PRLR: variants seen among roughly 807,000 people sequenced by gnomAD.
The protein encoded by PRLR is hPRL receptor.
Under a neutral mutation model 40.2 loss-of-function variants are expected in PRLR, and 13 were observed. The ratio of observed to expected loss-of-function variants is 0.32; its 90% CI spans 0.21 to 0.51. PRLR has a LOEUF of 0.51. PRLR is among the 20% of genes least tolerant of loss of function. PRLR has a pLI of 0.97. For missense variants in PRLR, 656 were observed against 747.3 expected, an observed-to-expected ratio of 0.88 and a Z score of 1.42; for synonymous variants, 269 against 278.7, an observed-to-expected ratio of 0.97 and a Z score of 0.35.
intron 1 of PRLR, among the ~76,000 whole-genome samples, chr5:35,167,868 G>A (rs1774888830): frequency 7.1e-6 from 1 of 141,756 alleles, no homozygotes; most frequent in South Asian, 2.2e-4. Context: ...TATAAAGCAG[G>A]GATTAAAATA....
At chr5:35,054,786 T>TA (rs1768637564), downstream of PRLR, among the ~76,000 whole-genome samples, 1 of 152,218 alleles carries the variant, frequency 6.6e-6, no homozygotes, top group African/African-American at 2.4e-5. Flanking sequence ...TGCTATTTTT[T>TA]ATGCAAAACT....
chr5:35,073,580 C>T (rs1351912851), intron 5 of PRLR, among the ~76,000 whole-genome samples: 1 of 152,196 alleles, frequency 6.6e-6, no homozygotes, highest in East Asian at 1.9e-4. Flanking sequence ...AATTACTCGC[C>T]TAAGGTCACA....
chr5:35,148,299 G>A (rs1253034619), intron 1 of PRLR, among the ~76,000 whole-genome samples: 1 of 152,062 alleles, frequency 6.6e-6, no homozygotes, highest in East Asian at 1.9e-4. Flanking sequence ...TTCAATTTGT[G>A]TTGAACTTGG....
At chr5:35,087,672 T>G (rs1339318331) in intron 3 of PRLR, among the ~76,000 whole-genome samples, 1 of 152,088 alleles carries the variant, frequency 6.6e-6, no homozygotes, top group African/African-American at 2.4e-5. Flanking sequence ...TGCTAGAAGG[T>G]CTCAGTGAGG....
downstream of PRLR, among the ~76,000 whole-genome samples, chr5:35,054,108 C>T (rs1768608055): frequency 6.6e-6 from 1 of 152,180 alleles, no homozygotes; most frequent in African/African-American, 2.4e-5. Flanking sequence ...AATAACAATG[C>T]ATCATTTTAT....
At position 35,095,061 on chromosome 5, in the gene PRLR, T is replaced by C. The variant is rs1052285504; in HGVS notation, c.-43-5398A>G. Among the ~76,000 whole-genome samples, 3 of 152,158 alleles carry C rather than the reference T, an allele frequency of 2.0e-5. No individual in the cohort carries two copies. The South Asian group carries it at 6.2e-4, about 32-fold the overall frequency. On this transcript the variant is annotated intron_variant, in intron 2 of 9. Coordinates refer to ENST00000618457, the MANE Select transcript of PRLR (RefSeq NM_000949.7). The stretch of plus-strand genomic sequence containing the variant: ...CCAGGCTGGTCTCAAACTCCTGAGC[T>C]CAGGAAATTTACCCGCCTTGGCCTC...
intron 1 of PRLR, among the ~76,000 whole-genome samples, chr5:35,213,521 G>A (rs1485921887): frequency 1.3e-5 from 2 of 151,832 alleles, no homozygotes; most frequent in Non-Finnish European, 2.9e-5. Context: ...TTTTTTCTGG[G>A]AATTTCATTA....
chr5:35,092,479 G>T (rs1216255328), intron 2 of PRLR, among the ~76,000 whole-genome samples: 4 of 152,172 alleles, frequency 2.6e-5, no homozygotes, highest in Non-Finnish European at 5.9e-5. Flanking sequence ...CTCAGCACTA[G>T]GCACATCTCT....
chr5:35,109,015 A>C lies in PRLR; in HGVS notation c.-44+9046T>G, dbSNP rs1336987471. Among the ~76,000 whole-genome samples, 5 of 152,246 alleles carry C rather than the reference A, an allele frequency of 3.3e-5. No individual in the cohort carries two copies. In the East Asian group the frequency reaches 7.7e-4, roughly 23 times the overall value. Reference sequence around the variant, plus strand: ...AACAGCATGGTACTAGTACCAAAACAGAAATACAGACCAATGGAACAGAAC... The same window carrying C: ...AACAGCATGGTACTAGTACCAAAACCGAAATACAGACCAATGGAACAGAAC... On this transcript the variant is annotated intron_variant, in intron 2 of 9. Coordinates refer to ENST00000618457, the MANE Select transcript of PRLR (RefSeq NM_000949.7).
At chr5:35,186,708 T>C (rs1315438322) in intron 1 of PRLR, among the ~76,000 whole-genome samples, 1 of 152,174 alleles carries the variant, frequency 6.6e-6, no homozygotes, top group African/African-American at 2.4e-5. Flanking sequence ...TACCACCCCA[T>C]CTGAGCTAGG....
intron 1 of PRLR, among the ~76,000 whole-genome samples, chr5:35,217,076 T>C (rs1776302993): frequency 6.6e-6 from 1 of 152,234 alleles, no homozygotes; most frequent in Admixed American, 6.5e-5. Context: ...CACTGACTGA[T>C]GTTTAACTCC....
chr5:35,159,375 T>C (rs1427531553), intron 1 of PRLR, among the ~76,000 whole-genome samples: 4 of 151,418 alleles, frequency 2.6e-5, no homozygotes, highest in Admixed American at 2.0e-4. Flanking sequence ...ATTTTCCTCT[T>C]GGCTTAGACC....
intron 2 of PRLR, among the ~76,000 whole-genome samples, chr5:35,091,598 T>A (rs975720587): frequency 6.6e-6 from 1 of 152,144 alleles, no homozygotes; most frequent in African/African-American, 2.4e-5. Context: ...GGTGCAATTA[T>A]TCCCCCTCTG....
At position 35,062,735 on chromosome 5, in the gene PRLR, G is replaced by T. The variant is rs1769116864; in HGVS notation, c.*2354C>A. ...TTGGCTTTGAGGGTGACTGTCTTTGGTTAATGTCTCTCAAGGTAGATTATA... is the reference window on the plus strand; with the variant it reads ...TTGGCTTTGAGGGTGACTGTCTTTGTTTAATGTCTCTCAAGGTAGATTATA... On this transcript the variant is annotated 3_prime_UTR_variant, in exon 10 of 10. Transcript: ENST00000618457. 1 of 152,174 alleles carries T rather than the reference G, an allele frequency of 6.6e-6. No individual in the cohort carries two copies. The highest frequency in any genetic ancestry group is 2.4e-5 in the African/African-American group (1 of 41,440). The allele number at this position is 152,174 out of a possible 1,614,324, so 9.4% of individuals were successfully genotyped here. A position where few individuals can be genotyped will look rare whatever the true frequency, so the allele number is the denominator to read the frequency against.
At chr5:35,228,476 G>A (rs1317602111) in intron 1 of PRLR, among the ~76,000 whole-genome samples, 1 of 152,148 alleles carries the variant, frequency 6.6e-6, no homozygotes, top group Non-Finnish European at 1.5e-5. Flanking sequence ...AAAGAATATG[G>A]CTGCCTACTC....
rs1178026440 is a variant in PRLR, at chr5:35,084,381, C to T, written c.373+89G>A. On this transcript the variant is annotated intron_variant, in intron 5 of 9. Transcript: ENST00000618457. The stretch of plus-strand genomic sequence containing the variant: ...CTCATCTTTCTTTTTGGGGATCCAT[C>T]CAAAACCCAAGAAGACTCAAACTGA... The T allele has an allele frequency of 2.3e-6, 3 of 1,310,504 alleles. No homozygotes were observed. In the East Asian group the frequency reaches 8.1e-5, roughly 35 times the overall value. The allele number at this position is 1,310,504 out of a possible 1,614,324, so 81.2% of individuals were successfully genotyped here.
chr5:35,068,783 A>C lies in PRLR; in HGVS notation c.781T>G (p.Tyr261Asp). ...IIVWAVALKG[Y>D]SMVTCIFPPV... ...AGTTGAGAGACAGTGAAGTACCTAT[A>C]GCCCTTCAAAGCCACTGCCCAGACA... Residue 261 changes from tyrosine to aspartate, a missense_variant, in exon 8 of 10, where the codon TAT (tyrosine) becomes GAT (aspartate). Transcript: ENST00000618457. 1 of 1,592,634 alleles carries C rather than the reference A, an allele frequency of 6.3e-7. No individual in the cohort carries two copies. Among genetic ancestry groups the C allele is most frequent in the South Asian group, 1.1e-5 (1 of 90,622 alleles).
At chr5:35,086,948 C>T (rs1770892669) in intron 3 of PRLR, among the ~76,000 whole-genome samples, 1 of 152,096 alleles carries the variant, frequency 6.6e-6, no homozygotes, top group South Asian at 2.1e-4. Context: ...GGCATCCTTT[C>T]CTTCCTCTTT....
At chr5:35,101,089 C>T (rs1460402109) in intron 2 of PRLR, among the ~76,000 whole-genome samples, 4 of 152,186 alleles carry the variant, frequency 2.6e-5, no homozygotes, top group East Asian at 1.9e-4. Flanking sequence ...AAGCCTCCAA[C>T]GCCTGACCCA....
Sources: allele counts gnomAD v4.1 joint callset (sites outside exome capture counted in the v4.1 genomes callset), GRCh38; gene constraint gnomAD v4.1.1; transcripts MANE v1.5; gene names NCBI Gene and HGNC (gene_info 2026-07-23, HGNC 2026-07-21).